Variants in WDR59 observed in about 807,000 individuals in gnomAD.
WDR59 encodes GATOR2 complex protein WDR59.
A neutral mutation model predicts 131.2 loss-of-function variants in WDR59; 100 were observed. The ratio of observed to expected loss-of-function variants is 0.76; its 90% CI spans 0.65 to 0.90. The LOEUF (loss-of-function observed/expected upper bound fraction) is 0.90. Ranked by LOEUF, WDR59 falls within the 40% of genes least tolerant of loss-of-function variation. The probability of loss-of-function intolerance (pLI) is 0.00; values close to 1 mark genes in which losing one functional copy is unlikely to be tolerated. For missense variants in WDR59, 1,203 were observed against 1,262.2 expected (o/e 0.95, Z 0.71); for synonymous variants, 601 against 466.2 (o/e 1.29, Z -3.72).
At chr16:74,950,654 G>C (rs939104921) in intron 4 of WDR59, among the ~76,000 whole-genome samples, 7 of 152,208 alleles carry the variant, frequency 4.6e-5, no homozygotes, top group Admixed American at 2.6e-4. Context: ...CAGGGAAAGA[G>C]TGGATCAAGG....
intron 22 of WDR59, 88 bp downstream of exon 22, chr16:74,888,081 G>C (rs927488614): frequency 1.5e-5 from 21 of 1,436,886 alleles, no homozygotes; most frequent in Non-Finnish European, 1.9e-5. Context: ...TCATGCCATT[G>C]CACTCCAGCC....
In WDR59 at chr16:74,956,574, A is replaced by C. The variant is rs200011206; in HGVS notation, c.141T>G (p.Pro47=). 1.9e-6 allele frequency: 3 copies of C among 1,614,156 alleles called. No individual in the cohort carries two copies. The highest frequency in any genetic ancestry group is 2.5e-6 in the Non-Finnish European group (3 of 1,180,020). ...RFLYIVNLDA[P]FEGHRKISRQ... is the part of the protein sequence containing the mutation. ...GAGAGATCTTTCGGTGACCTTCGAAAGGGGCATCTAGATTGACGATGTATA... is the reference window on the plus strand; with the variant it reads ...GAGAGATCTTTCGGTGACCTTCGAACGGGGCATCTAGATTGACGATGTATA... The change falls in exon 3 of 26, where the codon CCT becomes CCG. Residue 47 remains proline, a synonymous_variant. Transcript: ENST00000262144.
At chr16:74,921,468 G>A (rs967316051) in intron 10 of WDR59, among the ~76,000 whole-genome samples, 3 of 151,998 alleles carry the variant, frequency 2.0e-5, no homozygotes, top group African/African-American at 7.3e-5. Context: ...CCTCCCCACT[G>A]GACTGAGGAA....
At chr16:74,882,171 A>C (rs569506316) in intron 25 of WDR59, among the ~76,000 whole-genome samples, 8 of 152,350 alleles carry the variant, frequency 5.3e-5, no homozygotes, top group Admixed American at 2.6e-4. Context: ...ATAAGGGTTT[A>C]GCTGACTGAT....
rs746606974 is a variant in WDR59 at position 74,909,600 on chromosome 16, G to T, written c.1543C>A (p.Pro515Thr). ...GTCACCCGCGCAAACGTCGGTAAGG[G>T]GGGAGTGACAGAGTTGGGGAGTGCA... ...PFALPNSVTP[P>T]LPTFARVTTA... is the part of the protein sequence containing the mutation. Residue 515 changes from proline to threonine, a missense_variant, in exon 16 of 26, where the codon CCC becomes ACC. Physicochemically the swap from Pro to Thr is conservative, Grantham distance 38 (BLOSUM62 -1). Transcript: ENST00000262144. 16 of 1,609,224 alleles carry T rather than the reference G, an allele frequency of 9.9e-6. No homozygotes were observed. Among genetic ancestry groups the T allele is most frequent in the African/African-American group, 6.7e-5 (5 of 74,604 alleles).
intron 25 of WDR59, among the ~76,000 whole-genome samples, chr16:74,879,220 T>C (rs1964362497): frequency 6.6e-6 from 1 of 152,124 alleles, no homozygotes; most frequent in Admixed American, 6.5e-5. Flanking sequence ...TAGCCGGGCA[T>C]GATGGTGTAT....
intron 7 of WDR59, among the ~76,000 whole-genome samples, chr16:74,940,153 T>C (rs536056525): frequency 6.6e-6 from 1 of 152,176 alleles, no homozygotes; most frequent in South Asian, 2.1e-4. Flanking sequence ...CAAAGGCGGA[T>C]GGATCACCTG....
intron 3 of WDR59, among the ~76,000 whole-genome samples, chr16:74,955,175 T>G (rs965647727): frequency 1.3e-5 from 2 of 152,364 alleles, no homozygotes; most frequent in Middle Eastern, 3.4e-3. Context: ...GTTAATCCAC[T>G]GAGTACAACA....
chr16:74,945,163 A>G (rs1248996630), intron 6 of WDR59, among the ~76,000 whole-genome samples: 1 of 151,994 alleles, frequency 6.6e-6, no homozygotes, highest in Non-Finnish European at 1.5e-5. Flanking sequence ...GGGTTTCCCT[A>G]AAACTAATCT....
chr16:74,881,675 C>T lies in WDR59; in HGVS notation c.2689+3978G>A, dbSNP rs150294276. Among the ~76,000 whole-genome samples the T allele has an allele frequency of 7.1e-3, 1,083 of 151,980 alleles. 12 individuals are homozygous for T. Among genetic ancestry groups the T allele is most frequent in the African/African-American group, 0.022 (901 of 41,466 alleles). On this transcript the variant is annotated intron_variant, in intron 25 of 25. Transcript: ENST00000262144. The stretch of plus-strand genomic sequence containing the variant: ...GGATCACAAGGTCAGGAGTTCGAGA[C>T]CAGCCTGGCCAACATGGTGAAACCG...
intron 25 of WDR59, among the ~76,000 whole-genome samples, chr16:74,882,636 G>A (rs1964542604): frequency 6.6e-6 from 1 of 151,736 alleles, no homozygotes; most frequent in Admixed American, 6.6e-5. Context: ...TAATTGTATT[G>A]TATTGTAGTA....
chr16:74,914,323 A>G (rs1288707875), intron 13 of WDR59, among the ~76,000 whole-genome samples: 1 of 152,268 alleles, frequency 6.6e-6, no homozygotes, highest in Non-Finnish European at 1.5e-5. Context: ...CTAGGTATCC[A>G]CACTGTCCTC....
intron 1 of WDR59, among the ~76,000 whole-genome samples, chr16:74,975,679 T>TA (rs1477067220): frequency 2.1e-5 from 3 of 141,610 alleles, no homozygotes; most frequent in Admixed American, 7.1e-5. Context: ...AAAAAAAAAG[T>TA]AAAAAAAAGA....
At chr16:74,900,640 G>C (rs1965507843) in intron 18 of WDR59, among the ~76,000 whole-genome samples, 1 of 152,188 alleles carries the variant, frequency 6.6e-6, no homozygotes, top group East Asian at 1.9e-4. Context: ...TTAGCAATTT[G>C]ATGGCTTTTG....
In WDR59 at chr16:74,871,850, TCAC is replaced by T; in HGVS notation, c.*2356_*2358del. 6.6e-6 allele frequency: 1 copy of T among 152,278 alleles called. No homozygotes were observed. The highest frequency in any genetic ancestry group is 1.5e-5 in the Non-Finnish European group (1 of 68,074). 9.4% of individuals were successfully genotyped at this position (152,278 alleles called of 1,614,324 possible). A position where few individuals can be genotyped will look rare whatever the true frequency, so the allele number is the denominator to read the frequency against. ...CCTCCCAGCGGCTCCCCCGCCCTGC[TCAC>T]GCTACTGAGACACTGGCACCTTACC... is the stretch of plus-strand genomic sequence containing the variant. On this transcript the variant is annotated 3_prime_UTR_variant, in exon 26 of 26. Transcript: ENST00000262144.
intron 18 of WDR59, among the ~76,000 whole-genome samples, chr16:74,897,311 G>C (rs1965344749): frequency 6.6e-6 from 1 of 152,218 alleles, no homozygotes. Flanking sequence ...GCACCTCACA[G>C]TGTTTAGGCT....
chr16:74,884,911 A>G (rs1567685942), intron 25 of WDR59, among the ~76,000 whole-genome samples: 1 of 152,052 alleles, frequency 6.6e-6, no homozygotes, highest in Non-Finnish European at 1.5e-5. Flanking sequence ...ACACACCTCA[A>G]TTCCTCTTCT....
intron 21 of WDR59, 62 bp from the exon 22 acceptor site, chr16:74,888,381 C>A (rs1415241130): frequency 6.5e-7 from 1 of 1,538,012 alleles, no homozygotes; most frequent in Non-Finnish European, 8.8e-7. Flanking sequence ...GGAAAGCGGT[C>A]ACAGTCATGG....
At chr16:74,916,455 T>C (rs1471529723) in intron 11 of WDR59, among the ~76,000 whole-genome samples, 196 bp from the exon 12 acceptor site, 4 of 152,178 alleles carry the variant, frequency 2.6e-5, no homozygotes, top group Admixed American at 2.0e-4. Flanking sequence ...GACTCTATTA[T>C]TCAACACTGG....
Sources: allele counts gnomAD v4.1 joint callset (sites outside exome capture counted in the v4.1 genomes callset), GRCh38; gene constraint gnomAD v4.1.1; transcripts MANE v1.5; gene names NCBI Gene and HGNC (gene_info 2026-07-23, HGNC 2026-07-21).